The following CFAP61 variants were observed in gnomAD, a reference collection of about 807,000 sequenced individuals.
CFAP61 encodes the protein cilia and flagella associated protein 61.
A neutral mutation model predicts 135.6 loss-of-function variants in CFAP61; 107 were observed. That is an observed-to-expected ratio of 0.79 (90% confidence interval 0.67 to 0.93). The LOEUF (loss-of-function observed/expected upper bound fraction) is 0.93. Ranked by LOEUF, CFAP61 falls within the 40% of genes least tolerant of loss-of-function variation. The pLI is 0.00. For synonymous variants in CFAP61, 575 were observed against 578.5 expected (o/e 0.99, Z 0.09); for missense variants, 1,507 against 1,556.2 (o/e 0.97, Z 0.53).
At chr20:20,150,227 G>A (rs891520494) in intron 9 of CFAP61, among the ~76,000 whole-genome samples, 1 of 151,966 alleles carries the variant, frequency 6.6e-6, no homozygotes, top group Non-Finnish European at 1.5e-5. Context: ...GAGGGTCTGA[G>A]CTCAGACCTG....
intron 25 of CFAP61, among the ~76,000 whole-genome samples, chr20:20,332,881 C>T (rs1010198584): frequency 6.6e-6 from 1 of 152,196 alleles, no homozygotes; most frequent in African/African-American, 2.4e-5. Flanking sequence ...CTTCCCACAG[C>T]ACTGAGATTA....
chr20:20,303,617 A>T (rs976205640), intron 25 of CFAP61, among the ~76,000 whole-genome samples: 4 of 152,098 alleles, frequency 2.6e-5, no homozygotes, highest in Admixed American at 2.6e-4. Flanking sequence ...GTCTGTTGTC[A>T]GACTGGCTGG....
rs531800736 is a variant in CFAP61, at chr20:20,074,030, G to A, written c.295-272G>A. 5.1e-4 allele frequency: 227 copies of A among 445,078 alleles called. 1 individual carries two copies. Among genetic ancestry groups the A allele is most frequent in the South Asian group, 1.9e-3 (66 of 34,764 alleles). The allele number at this position is 445,078 out of a possible 1,614,324, so 27.6% of individuals were successfully genotyped here. On this transcript the variant is annotated intron_variant, in intron 3 of 26. Coordinates refer to ENST00000245957, the MANE Select transcript of CFAP61 (RefSeq NM_015585.4). The stretch of plus-strand genomic sequence containing the variant: ...CTGCAGGCTCTCCCGCAGCTCATTC[G>A]TGAGGGCAGGAGGAAGGGCGGGTGC...
At chr20:20,175,273 C>T (rs2054524455) in intron 13 of CFAP61, among the ~76,000 whole-genome samples, 1 of 152,214 alleles carries the variant, frequency 6.6e-6, no homozygotes, top group African/African-American at 2.4e-5. Flanking sequence ...CCTCATTTTA[C>T]TCAAGGACAG....
At chr20:20,315,950 A>G (rs2057111138) in intron 25 of CFAP61, among the ~76,000 whole-genome samples, 1 of 152,276 alleles carries the variant, frequency 6.6e-6, no homozygotes, top group Non-Finnish European at 1.5e-5. Context: ...GCCTTGTAGT[A>G]TAGTTTGAAG....
intron 25 of CFAP61, among the ~76,000 whole-genome samples, chr20:20,338,639 T>TA (rs953542584): frequency 1.4e-5 from 2 of 143,944 alleles, no homozygotes; most frequent in Admixed American, 1.3e-4. Context: ...TCCCGGCCTT[T>TA]AAAGGACACC....
intron 1 of CFAP61, among the ~76,000 whole-genome samples, chr20:20,054,000 G>GTGT (rs1555825891): frequency 2.0e-5 from 2 of 99,432 alleles, no homozygotes; most frequent in African/African-American, 7.4e-5. Context: ...CTCTGTGTGT[G>GTGT]TTTTTTTTGT....
intron 6 of CFAP61, among the ~76,000 whole-genome samples, chr20:20,080,655 C>T (rs2046367643): frequency 6.6e-6 from 1 of 152,120 alleles, no homozygotes; most frequent in African/African-American, 2.4e-5. Flanking sequence ...TATATTCTGA[C>T]CAAATAGAGT....
At chr20:20,057,898 T>C (rs1247356414) in intron 2 of CFAP61, among the ~76,000 whole-genome samples, 1 of 152,108 alleles carries the variant, frequency 6.6e-6, no homozygotes, top group East Asian at 1.9e-4. Flanking sequence ...TGTTTGTTTG[T>C]TTGTTTTTTA....
At chr20:20,175,453 T>G (rs1013348147) in intron 13 of CFAP61, among the ~76,000 whole-genome samples, 2 of 152,092 alleles carry the variant, frequency 1.3e-5, no homozygotes, top group Non-Finnish European at 2.9e-5. Flanking sequence ...GTTAAAAGTT[T>G]AAGAAGCACT....
In CFAP61 at chr20:20,263,117, C is replaced by T; in HGVS notation, c.2490C>T (p.Ser830=). ...FKALIWIRNN[S]ITTEGNIIVY... The stretch of plus-strand genomic sequence containing the variant: ...CACTGATTTGGATAAGGAATAACTC[C>T]ATCACCACAGAAGGTAAGGATGTCG... Residue 830 remains serine (S), a synonymous_variant, in exon 21 of 27, where the codon TCC becomes TCT. Transcript: ENST00000245957. 1 of 1,612,730 alleles carries T rather than the reference C, an allele frequency of 6.2e-7. No homozygotes were observed. Among genetic ancestry groups the T allele is most frequent in the Non-Finnish European group, 8.5e-7 (1 of 1,179,126 alleles).
At chr20:20,348,214 GA>G (rs1159456887) in intron 26 of CFAP61, among the ~76,000 whole-genome samples, 1 of 152,056 alleles carries the variant, frequency 6.6e-6, no homozygotes, top group Non-Finnish European at 1.5e-5. Context: ...TGCAAGAAAA[GA>G]AAACTTACAG....
At chr20:20,337,587 GGTGGA>G (rs2058274489) in intron 25 of CFAP61, among the ~76,000 whole-genome samples, 5 of 2,150 alleles carry the variant, frequency 2.3e-3, no homozygotes, top group South Asian at 0.062. Context: ...GATAGATGTG[GGTGGA>G]TGGATGGATG....
chr20:20,235,328 G>A (rs1407540991), intron 18 of CFAP61, among the ~76,000 whole-genome samples: 2 of 152,054 alleles, frequency 1.3e-5, no homozygotes, highest in African/African-American at 2.4e-5. Flanking sequence ...GGCTCTCAAA[G>A]TGCCGTCCCT....
rs191015766 is a variant in CFAP61 at position 20,324,686 on chromosome 20, C to T, written c.3423-17145C>T. Among the ~76,000 whole-genome samples the T allele has an allele frequency of 1.3e-3, 194 of 152,300 alleles. 1 individual carries two copies. Among genetic ancestry groups the T allele is most frequent in the Non-Finnish European group, 1.2e-3 (81 of 68,032 alleles). On this transcript the variant is annotated intron_variant, in intron 25 of 26. Transcript: ENST00000245957. ...CTTCAAAAAAGGTTATTCCCACTAACAGGACAGAAGAGAGCTTTTTTCTCC... is the reference window on the plus strand; with the variant it reads ...CTTCAAAAAAGGTTATTCCCACTAATAGGACAGAAGAGAGCTTTTTTCTCC...
chr20:20,346,831 T>G (rs6046806), intron 26 of CFAP61, among the ~76,000 whole-genome samples: 121,488 of 152,196 alleles, frequency 0.8, 51,561 homozygotes, highest in Non-Finnish European at 0.95. Flanking sequence ...GTATTTTACT[T>G]TCAATAATGA....
At chr20:20,235,588 C>T (rs980752263) in intron 18 of CFAP61, among the ~76,000 whole-genome samples, 1 of 152,200 alleles carries the variant, frequency 6.6e-6, no homozygotes, top group Non-Finnish European at 1.5e-5. Flanking sequence ...CATACACCCT[C>T]AGCTGTGCAC....
chr20:20,059,599 C>T (rs2044649945), intron 2 of CFAP61, among the ~76,000 whole-genome samples: 1 of 151,720 alleles, frequency 6.6e-6, no homozygotes, highest in Admixed American at 6.6e-5. Context: ...GCCTGGGTGA[C>T]ACAGTGAGAC....
intron 8 of CFAP61, among the ~76,000 whole-genome samples, chr20:20,102,009 T>C (rs760837540): frequency 2.0e-5 from 3 of 152,194 alleles, no homozygotes; most frequent in Non-Finnish European, 4.4e-5. Flanking sequence ...CTCCGACTTT[T>C]ATTTTGTATG....
Sources: allele counts gnomAD v4.1 joint callset (sites outside exome capture counted in the v4.1 genomes callset), GRCh38; gene constraint gnomAD v4.1.1; transcripts MANE v1.5; gene names NCBI Gene and HGNC (gene_info 2026-07-23, HGNC 2026-07-21).